The following FHOD3 variants were observed in gnomAD, a reference collection of about 807,000 sequenced individuals.
The protein encoded by FHOD3 is FH1/FH2 domain-containing protein 3.
A neutral mutation model predicts 173.0 loss-of-function variants in FHOD3; 90 were observed. The ratio of observed to expected loss-of-function variants is 0.52; its 90% CI spans 0.44 to 0.62. The LOEUF (loss-of-function observed/expected upper bound fraction) is 0.62. FHOD3 is among the 20% of genes least tolerant of loss of function. The pLI, the probability that FHOD3 is intolerant of heterozygous loss-of-function variation, is 0.00. For synonymous variants in FHOD3, 828 were observed against 823.0 expected (o/e 1.01, Z -0.10); for missense variants, 1,945 against 2,034.7 (o/e 0.96, Z 0.85).
At chr18:36,437,682 T>TTTTTTTTTTTAA (rs71168224) in intron 3 of FHOD3, among the ~76,000 whole-genome samples, 11 of 129,618 alleles carry the variant, frequency 8.5e-5, no homozygotes, top group African/African-American at 1.7e-4. Context: ...TTTTTTTTTT[T>TTTTTTTTTTTAA]AAGACAGAGT....
At chr18:36,317,746 G>C (rs112142319) in intron 1 of FHOD3, among the ~76,000 whole-genome samples, 4,511 of 152,132 alleles carry the variant, frequency 0.03, 218 homozygotes, top group African/African-American at 0.1. Flanking sequence ...TCCCATTTGT[G>C]AATTTTGGCT....
At chr18:36,693,094 CTGTGCTGTGTGCA>C in intron 16 of FHOD3, 102 bp from the exon 17 acceptor site, 1 of 1,044,068 alleles carries the variant, frequency 9.6e-7, no homozygotes, top group East Asian at 2.6e-5. Flanking sequence ...CAGCCCTGCA[CTGTGCTGTGTGCA>C]TCAGGAAACC....
chr18:36,493,676 C>T (rs930092104), intron 3 of FHOD3, among the ~76,000 whole-genome samples: 3 of 152,140 alleles, frequency 2.0e-5, no homozygotes, highest in African/African-American at 7.2e-5. Flanking sequence ...AGATAAGGAG[C>T]TAATTTCTCA....
At chr18:36,481,772 G>A (rs1169049509) in intron 3 of FHOD3, among the ~76,000 whole-genome samples, 3 of 152,026 alleles carry the variant, frequency 2.0e-5, no homozygotes, top group African/African-American at 7.2e-5. Context: ...TTTCTCTCAT[G>A]GCTGACATTT....
Position 36,502,297 on chromosome 18 carries a change from G to A in FHOD3, c.405+298G>A, listed in dbSNP as rs140979832. Among the ~76,000 whole-genome samples the A allele has an allele frequency of 0.092, 13,812 of 149,906 alleles. 898 individuals are homozygous for A. Among genetic ancestry groups the A allele is most frequent in the Non-Finnish European group, 0.14 (9,135 of 67,624 alleles). ...AAGTTCTGGGACACATGTGCAAAATGTGCAGGTTTGTTACACAGGCATACA... is the reference window on the plus strand; with the variant it reads ...AAGTTCTGGGACACATGTGCAAAATATGCAGGTTTGTTACACAGGCATACA... On this transcript the variant is annotated intron_variant, in intron 4 of 28. Transcript: ENST00000590592.
rs536095868 is a variant in FHOD3, at chr18:36,652,768, T to C, written c.1485T>C (p.Ala495=). 1 of 1,535,964 alleles carries C rather than the reference T, an allele frequency of 6.5e-7. No individual in the cohort carries two copies. Among genetic ancestry groups the C allele is most frequent in the Admixed American group, 2.0e-5 (1 of 50,980 alleles). ...CCCTCCTGTCACCCCCTGCCTCAGC[T>C]GCTCGGCCCTCCTCCGCCACACCAG... is the stretch of plus-strand genomic sequence containing the variant. The part of the protein sequence containing the change: ...PSALLSPPAS[A]ARPSSATPGS... Residue 495 remains alanine (A), a synonymous_variant, in exon 12 of 29, where the codon GCT becomes GCC. Transcript: ENST00000590592.
chr18:36,593,311 C>A (rs563861711), intron 6 of FHOD3, among the ~76,000 whole-genome samples: 2 of 152,112 alleles, frequency 1.3e-5, no homozygotes, highest in African/African-American at 4.8e-5. Flanking sequence ...GGCTGTAGCA[C>A]CTCTTTGAAG....
chr18:36,514,649 C>G (rs2055859990), intron 5 of FHOD3, among the ~76,000 whole-genome samples: 1 of 152,222 alleles, frequency 6.6e-6, no homozygotes, highest in Non-Finnish European at 1.5e-5. Flanking sequence ...CCCCAACACA[C>G]AGAGACACAC....
intron 5 of FHOD3, among the ~76,000 whole-genome samples, chr18:36,571,774 G>C (rs1478395779): frequency 6.6e-6 from 1 of 152,136 alleles, no homozygotes; most frequent in Non-Finnish European, 1.5e-5. Context: ...TTTAACAAAT[G>C]GCATTAGTTG....
chr18:36,709,063 G>A (rs368772972), intron 17 of FHOD3, 32 bp from the exon 18 acceptor site: 301 of 1,594,388 alleles, frequency 1.9e-4, no homozygotes, highest in Non-Finnish European at 2.3e-4. Context: ...GAAATCTGTC[G>A]TCAATATAAT....
intron 1 of FHOD3, among the ~76,000 whole-genome samples, chr18:36,319,804 A>G (rs2044303801): frequency 6.6e-6 from 1 of 152,236 alleles, no homozygotes; most frequent in African/African-American, 2.4e-5. Context: ...ACCACAGTGC[A>G]ATCAAATTAG....
chr18:36,431,562 C>T (rs886713052), intron 3 of FHOD3, among the ~76,000 whole-genome samples: 7 of 152,196 alleles, frequency 4.6e-5, no homozygotes, highest in African/African-American at 1.7e-4. Flanking sequence ...GCCTTGATGG[C>T]TGCATTGAAG....
intron 8 of FHOD3, among the ~76,000 whole-genome samples, chr18:36,606,375 G>T (rs2032071983): frequency 6.6e-6 from 1 of 152,108 alleles, no homozygotes; most frequent in Non-Finnish European, 1.5e-5. Flanking sequence ...TGTAGGGGAA[G>T]AGAGGAGAAG....
chr18:36,711,771 C>G (rs2040184825), intron 18 of FHOD3, among the ~76,000 whole-genome samples: 1 of 152,146 alleles, frequency 6.6e-6, no homozygotes, highest in African/African-American at 2.4e-5. Context: ...AGTGAAGCTC[C>G]AAGTAAAACT....
At chr18:36,472,682 C>T (rs558630942) in intron 3 of FHOD3, among the ~76,000 whole-genome samples, 2 of 152,232 alleles carry the variant, frequency 1.3e-5, no homozygotes, top group South Asian at 4.1e-4. Context: ...CTTTTGGGAC[C>T]GGCTTCTTCC....
intron 9 of FHOD3, among the ~76,000 whole-genome samples, chr18:36,621,681 C>A (rs191305655): frequency 3.9e-4 from 60 of 152,334 alleles, no homozygotes; most frequent in Non-Finnish European, 8.4e-4. Flanking sequence ...AAGCAAGCCA[C>A]ATTGTTGAGC....
At chr18:36,629,722 G>A (rs145736987) in intron 10 of FHOD3, among the ~76,000 whole-genome samples, 1 of 152,026 alleles carries the variant, frequency 6.6e-6, no homozygotes, top group Non-Finnish European at 1.5e-5. Context: ...AGATTGAGGG[G>A]TCGGAGAAGG....
At position 36,342,257 on chromosome 18, in the gene FHOD3, A is replaced by G. The variant is rs147768847; in HGVS notation, c.166-13282A>G. ...CATGGGTCTAAAATATATGTATTAA[A>G]ATAACAGAATGGGAAAAGAAGGAGA... is the stretch of plus-strand genomic sequence containing the variant. On this transcript the variant is annotated intron_variant, in intron 1 of 28. Coordinates refer to ENST00000590592, the MANE Select transcript of FHOD3 (RefSeq NM_001281740.3). Among the ~76,000 whole-genome samples the G allele has an allele frequency of 4.8e-3, 737 of 152,228 alleles. 1 individual carries two copies. The highest frequency in any genetic ancestry group is 0.02 in the Middle Eastern group (6 of 294).
intron 19 of FHOD3, among the ~76,000 whole-genome samples, chr18:36,722,131 A>G (rs2149813915): frequency 6.6e-6 from 1 of 152,340 alleles, no homozygotes; most frequent in East Asian, 1.9e-4. Flanking sequence ...AAGATGAATC[A>G]TATTGTGTTT....
Sources: allele counts gnomAD v4.1 joint callset (sites outside exome capture counted in the v4.1 genomes callset), GRCh38; gene constraint gnomAD v4.1.1; transcripts MANE v1.5; gene names NCBI Gene and HGNC (gene_info 2026-07-23, HGNC 2026-07-21).